Variants in BMF observed in about 807,000 individuals in gnomAD.
BMF encodes the protein Bcl2 modifying factor, also known as bcl-2-modifying factor.
Under a neutral mutation model 22.0 loss-of-function variants are expected in BMF, and 10 were observed. The ratio of observed to expected loss-of-function variants is 0.45; its 90% CI spans 0.28 to 0.77. BMF has a LOEUF of 0.77. Among genes scored for constraint, BMF ranks in the 30% least tolerant of loss-of-function variants. The pLI, the probability that BMF is intolerant of heterozygous loss-of-function variation, is 0.13. For synonymous variants in BMF, 87 were observed against 88.1 expected (o/e 0.99, Z 0.07); for missense variants, 206 against 226.8 (o/e 0.91, Z 0.59).
intron 2 of BMF, among the ~76,000 whole-genome samples, chr15:40,107,303 C>T (rs1223312067): frequency 6.6e-5 from 10 of 152,184 alleles, no homozygotes; most frequent in Admixed American, 2.6e-4. Context: ...AAGAACAAGC[C>T]AAATGGTCTA....
chr15:40,100,346 A>C (rs1441447610), intron 4 of BMF, among the ~76,000 whole-genome samples: 2 of 152,194 alleles, frequency 1.3e-5, no homozygotes, highest in Non-Finnish European at 2.9e-5. Context: ...TTCCATGCAG[A>C]AGCTGGACAC....
At chr15:40,103,029 C>T (rs62018158) in intron 4 of BMF, among the ~76,000 whole-genome samples, 1,566 of 152,294 alleles carry the variant, frequency 0.01, 13 homozygotes, top group Admixed American at 0.018. Context: ...ATATGTAACC[C>T]GCAATGTCCT....
At chr15:40,095,831 T>C (rs144054151) in intron 4 of BMF, among the ~76,000 whole-genome samples, 7 of 152,312 alleles carry the variant, frequency 4.6e-5, no homozygotes, top group African/African-American at 1.7e-4. Flanking sequence ...CAGAGCCCCA[T>C]GCGGCTTCTT....
chr15:40,093,748 A>T (rs1172328484), intron 4 of BMF, among the ~76,000 whole-genome samples: 2 of 152,032 alleles, frequency 1.3e-5, no homozygotes, highest in Non-Finnish European at 2.9e-5. Flanking sequence ...TCACCTCATA[A>T]TAGTAACGTG....
In BMF at chr15:40,091,685, A is replaced by T. The variant is rs145675425; in HGVS notation, c.*102T>A. Reference sequence around the variant, plus strand: ...AAAAAAAATTAAAACACAAAATAACAACAAAAAAACAATTTCACAAGACAC... The same window carrying T: ...AAAAAAAATTAAAACACAAAATAACTACAAAAAAACAATTTCACAAGACAC... On this transcript the variant is annotated 3_prime_UTR_variant, in exon 5 of 5. Coordinates refer to ENST00000354670, the MANE Select transcript of BMF (RefSeq NM_001003940.2). 94 of 873,434 alleles carry T rather than the reference A, an allele frequency of 1.1e-4. No homozygotes were observed. In the African/African-American group the frequency reaches 1.4e-3, roughly 13 times the overall value. 54.1% of individuals were successfully genotyped at this position (873,434 alleles called of 1,614,324 possible). A position where few individuals can be genotyped will look rare whatever the true frequency, so the allele number is the denominator to read the frequency against.
intron 4 of BMF, among the ~76,000 whole-genome samples, chr15:40,100,304 G>C (rs147033697): frequency 6.6e-6 from 1 of 152,212 alleles, no homozygotes; most frequent in South Asian, 2.1e-4. Flanking sequence ...CAGCCCAGGG[G>C]CTCAGGGAGG....
chr15:40,104,325 C>T lies in BMF; in HGVS notation c.308G>A (p.Arg103Gln), dbSNP rs764497660. 18 of 1,614,030 alleles carry T rather than the reference C, an allele frequency of 1.1e-5. No homozygotes were observed. Among genetic ancestry groups the T allele is most frequent in the South Asian group, 4.4e-5 (4 of 91,072 alleles). ...QRLFYGNAGY[R>Q]LPLPASFPAV... is the part of the protein sequence containing the mutation. ...TGGGAAACTGGCAGGGAGAGGAAGC[C>T]GATAGCCAGCATTGCCTGCAAAGAT... The change falls in exon 4 of 5, where the codon CGG becomes CAG. Residue 103 changes from arginine to glutamine, a missense_variant. Coordinates refer to ENST00000354670, the MANE Select transcript of BMF (RefSeq NM_001003940.2).
Position 40,091,823 on chromosome 15 carries a change from A to G in BMF, c.519T>C (p.Asn173=). ...ILLFLHNLAL[N]GEENRNGAGP... ...CTGCCCCGTTCCTGTTCTCTTCTCC[A>G]TTCAAAGCAAGGTTGTGCAGGAAGA... The change falls in exon 5 of 5, where the codon AAT becomes AAC. Residue 173 remains asparagine, a synonymous_variant. Coordinates refer to ENST00000354670, the MANE Select transcript of BMF (RefSeq NM_001003940.2). The G allele has an allele frequency of 2.5e-6, 4 of 1,611,342 alleles. No homozygotes were observed. Among genetic ancestry groups the G allele is most frequent in the Non-Finnish European group, 3.4e-6 (4 of 1,179,174 alleles).
Position 40,089,904 on chromosome 15 carries a change from G to C in BMF, c.*1883C>G, listed in dbSNP as rs1037895813. ...TGGTCCCCGGCTCCTTCTCTGCAAAGCAGGAACCCGTCTTCTTAGCAGACA... is the reference window on the plus strand; with the variant it reads ...TGGTCCCCGGCTCCTTCTCTGCAAACCAGGAACCCGTCTTCTTAGCAGACA... On this transcript the variant is annotated 3_prime_UTR_variant, in exon 5 of 5. Transcript: ENST00000354670. 1.3e-5 allele frequency: 2 copies of C among 152,656 alleles called. No individual in the cohort carries two copies. The allele number at this position is 152,656 out of a possible 1,614,324, so 9.5% of individuals were successfully genotyped here.
intron 4 of BMF, among the ~76,000 whole-genome samples, chr15:40,098,967 C>G (rs1232208415): frequency 6.6e-6 from 1 of 152,230 alleles, no homozygotes; most frequent in Non-Finnish European, 1.5e-5. Context: ...AGAGCAAACA[C>G]AGGGCCCCCA....
intron 4 of BMF, among the ~76,000 whole-genome samples, chr15:40,103,861 G>C (rs2036529719): frequency 6.6e-6 from 1 of 152,170 alleles, no homozygotes; most frequent in Non-Finnish European, 1.5e-5. Context: ...CAACCCCTCA[G>C]CCACGGCCAT....
intron 4 of BMF, among the ~76,000 whole-genome samples, chr15:40,096,966 T>G (rs186290960): frequency 6.6e-6 from 1 of 152,314 alleles, no homozygotes. Flanking sequence ...TAGGGGAAGG[T>G]GCACAGTCCA....
At chr15:40,093,638 G>C (rs902201805) in intron 4 of BMF, among the ~76,000 whole-genome samples, 2 of 152,180 alleles carry the variant, frequency 1.3e-5, no homozygotes, top group South Asian at 4.1e-4. Flanking sequence ...CCGAACAAGA[G>C]GAGAATCCAG....
chr15:40,106,106 C>T lies in BMF; in HGVS notation c.-5-15G>A, dbSNP rs748304479. 10 of 1,575,536 alleles carry T rather than the reference C, an allele frequency of 6.3e-6. No individual in the cohort carries two copies. The highest frequency in any genetic ancestry group is 2.7e-5 in the African/African-American group (2 of 74,412). ...CTCCATCTCTCCTGTGAGGGGGCAA[C>T]GCAGGCATCTGGGCTGCTGCCCCAC... is the stretch of plus-strand genomic sequence containing the variant. On this transcript the variant is annotated splice_polypyrimidine_tract_variant and intron_variant, in intron 2 of 4. Transcript: ENST00000354670. This position sits in a 1 kb window ranked among gnomAD's most constrained non-coding sequence, Gnocchi z 4.1.
intron 4 of BMF, among the ~76,000 whole-genome samples, chr15:40,092,576 A>C (rs1321667589): frequency 1.3e-5 from 2 of 152,192 alleles, no homozygotes; most frequent in African/African-American, 4.8e-5. Context: ...TCCCTCTTGG[A>C]GCGCTCTCCT....
rs747095858 is a variant in BMF, at chr15:40,105,853, G to A, written c.234C>T (p.Pro78=). ...CACAAGGCAGCATGACACCTTGGCT[G>A]GGGGAGGCTGGGCTGAGAGTCTGGG... ...KATQTLSPAS[P]SQGVMLPCGV... is the part of the protein sequence containing the mutation. Residue 78 remains proline, a synonymous_variant, in exon 3 of 5, where the codon CCC becomes CCT. Coordinates refer to ENST00000354670, the MANE Select transcript of BMF (RefSeq NM_001003940.2). 1.9e-6 allele frequency: 3 copies of A among 1,614,058 alleles called. No individual in the cohort carries two copies. The highest frequency in any genetic ancestry group is 2.5e-6 in the Non-Finnish European group (3 of 1,179,990).
At chr15:40,095,485 G>A (rs1016428164) in intron 4 of BMF, among the ~76,000 whole-genome samples, 4 of 152,160 alleles carry the variant, frequency 2.6e-5, no homozygotes, top group East Asian at 1.9e-4. Flanking sequence ...AGGAATGAGT[G>A]TACTTGGCCT....
intron 4 of BMF, among the ~76,000 whole-genome samples, chr15:40,095,161 CA>C (rs747172261): frequency 5.3e-5 from 8 of 152,268 alleles, no homozygotes; most frequent in African/African-American, 7.2e-5. Context: ...AGATACCACA[CA>C]GGCTCCCTTT....
chr15:40,094,118 G>A (rs1015157389), intron 4 of BMF, among the ~76,000 whole-genome samples: 1 of 152,124 alleles, frequency 6.6e-6, no homozygotes, highest in African/African-American at 2.4e-5. Context: ...CAGCTCAATG[G>A]CCAAGGAAAG....
Sources: allele counts gnomAD v4.1 joint callset (sites outside exome capture counted in the v4.1 genomes callset), GRCh38; gene constraint gnomAD v4.1.1; non-coding constraint Gnocchi (gnomAD v3.1); transcripts MANE v1.5; gene names NCBI Gene and HGNC (gene_info 2026-07-23, HGNC 2026-07-21).